Variants in UBE2E1 observed in about 807,000 individuals in gnomAD.
The protein encoded by UBE2E1 is ubiquitin-conjugating enzyme E2 E1.
A neutral mutation model predicts 21.4 loss-of-function variants in UBE2E1; 6 were observed. The observed-to-expected ratio is 0.28, with a 90% CI of 0.15 to 0.55. The LOEUF is 0.55. Among genes scored for constraint, UBE2E1 ranks in the 20% least tolerant of loss-of-function variants. The pLI, the probability that UBE2E1 is intolerant of heterozygous loss-of-function variation, is 0.93. For synonymous variants in UBE2E1, 87 were observed against 82.7 expected (o/e 1.05, Z -0.28); for missense variants, 142 against 236.5 (o/e 0.60, Z 2.62).
At chr3:23,865,443 TC>T (rs1450453544) in intron 3 of UBE2E1, among the ~76,000 whole-genome samples, 5 of 152,078 alleles carry the variant, frequency 3.3e-5, no homozygotes, top group African/African-American at 1.2e-4. Flanking sequence ...AGCCTCAACT[TC>T]CTAGGGCTCA....
At chr3:23,878,600 C>T (rs1013759706) in intron 3 of UBE2E1, among the ~76,000 whole-genome samples, 5 of 152,196 alleles carry the variant, frequency 3.3e-5, no homozygotes, top group African/African-American at 9.7e-5. Flanking sequence ...GCCTGAGCTC[C>T]GCCTCCTGTC....
intron 3 of UBE2E1, chr3:23,866,360 T>G (rs1292452606): frequency 1.3e-5 from 2 of 152,214 alleles, no homozygotes; most frequent in Admixed American, 6.5e-5. Context: ...ACCTCACATT[T>G]CAGTGCAGGT....
chr3:23,815,601 T>A (rs1477232972), intron 3 of UBE2E1, among the ~76,000 whole-genome samples: 1 of 152,196 alleles, frequency 6.6e-6, no homozygotes, highest in East Asian at 1.9e-4. Context: ...GGTAATGAGA[T>A]GTCAGTTCAG....
At chr3:23,883,765 A>G (rs993643059) in intron 3 of UBE2E1, among the ~76,000 whole-genome samples, 3 of 151,884 alleles carry the variant, frequency 2.0e-5, no homozygotes, top group Non-Finnish European at 2.9e-5. Flanking sequence ...AAAATACAAA[A>G]ATTAGCTGGG....
At chr3:23,883,407 T>C (rs1701099979) in intron 3 of UBE2E1, among the ~76,000 whole-genome samples, 1 of 152,162 alleles carries the variant, frequency 6.6e-6, no homozygotes, top group Non-Finnish European at 1.5e-5. Flanking sequence ...GGCCTTCTTA[T>C]AGAGTTGTTA....
At chr3:23,847,464 T>C (rs1185724724) in intron 3 of UBE2E1, among the ~76,000 whole-genome samples, 1 of 151,804 alleles carries the variant, frequency 6.6e-6, no homozygotes, top group African/African-American at 2.4e-5. Flanking sequence ...ATATTTCATA[T>C]CTGTGTGTGT....
Position 23,870,058 on chromosome 3 carries a change from C to T in UBE2E1, c.204-17509C>T, listed in dbSNP as rs1274719442. ...TAGGACTGGAGTCATGTGAAGCCTTCCTCACTTTTACATGTCTGGTTTTCC... is the reference window on the plus strand; with the variant it reads ...TAGGACTGGAGTCATGTGAAGCCTTTCTCACTTTTACATGTCTGGTTTTCC... On this transcript the variant is annotated intron_variant, in intron 3 of 5. Coordinates refer to ENST00000306627, the MANE Select transcript of UBE2E1 (RefSeq NM_003341.5). The surrounding 1 kb of genome is among the most constrained non-coding windows in gnomAD (Gnocchi z 4.2). 6.6e-6 allele frequency among the ~76,000 whole-genome samples: 1 copy of T among 152,130 alleles called. No individual in the cohort carries two copies. The highest frequency in any genetic ancestry group is 1.5e-5 in the Non-Finnish European group (1 of 68,022).
chr3:23,817,749 G>A (rs926490915), intron 3 of UBE2E1, among the ~76,000 whole-genome samples: 2 of 152,122 alleles, frequency 1.3e-5, no homozygotes, highest in African/African-American at 4.8e-5. Flanking sequence ...ACAGAAAAAG[G>A]GCACTATTGG....
chr3:23,829,734 G>A (rs918949841), intron 3 of UBE2E1, among the ~76,000 whole-genome samples: 9 of 152,188 alleles, frequency 5.9e-5, no homozygotes, highest in Non-Finnish European at 8.8e-5. Context: ...CTAGAAGAGC[G>A]GTTAGAAATG....
In UBE2E1 at chr3:23,816,247, C is replaced by G. The variant is rs940955581; in HGVS notation, c.203+4737C>G. On this transcript the variant is annotated intron_variant, in intron 3 of 5. Transcript: ENST00000306627. This position sits in a 1 kb window ranked among gnomAD's most constrained non-coding sequence, Gnocchi z 4.8. ...AGGCTCAAACAGATAACCTGTATGT[C>G]AGTATTCATAGCATTATTCATAGTA... Among the ~76,000 whole-genome samples, 9 of 152,132 alleles carry G rather than the reference C, an allele frequency of 5.9e-5. No individual in the cohort carries two copies. The highest frequency in any genetic ancestry group is 1.3e-4 in the Admixed American group (2 of 15,278).
chr3:23,865,134 T>A (rs1700627693), intron 3 of UBE2E1, among the ~76,000 whole-genome samples: 1 of 152,220 alleles, frequency 6.6e-6, no homozygotes, highest in African/African-American at 2.4e-5. Context: ...TCAGGGTCTC[T>A]CTTGGCTGTA....
chr3:23,890,562 C>A lies in UBE2E1; in HGVS notation c.538C>A (p.His180Asn), dbSNP rs768757413. Residue 180 changes from histidine to asparagine, a missense_variant, in exon 6 of 6, where the codon CAT becomes AAT. This residue lies in a region of UBE2E1 where 87 missense variants were observed against 184.9 expected (regional missense o/e 0.47). Coordinates refer to ENST00000306627, the MANE Select transcript of UBE2E1 (RefSeq NM_003341.5). ...ATQYMTNRAE[H>N]DRMARQWTKR... ...TCAGTATATGACCAACAGAGCAGAA[C>A]ATGACAGAATGGCCAGACAGTGGAC... The A allele has an allele frequency of 6.2e-7, 1 of 1,613,708 alleles. No individual in the cohort carries two copies. Among genetic ancestry groups the A allele is most frequent in the South Asian group, 1.1e-5 (1 of 91,012 alleles).
rs1169518520 is a variant in UBE2E1, at chr3:23,823,680, A to G, written c.203+12170A>G. 6.6e-6 allele frequency among the ~76,000 whole-genome samples: 1 copy of G among 152,250 alleles called. No individual in the cohort carries two copies. Among genetic ancestry groups the G allele is most frequent in the Admixed American group, 6.5e-5 (1 of 15,286 alleles). ...CCTAAAAGAAAACATTTGTTTTATT[A>G]CAAGCACCCAGGAGGATTTTTTATA... On this transcript the variant is annotated intron_variant, in intron 3 of 5. Transcript: ENST00000306627. The surrounding 1 kb of genome is among the most constrained non-coding windows in gnomAD (Gnocchi z 4.2).
At chr3:23,882,886 C>G (rs114716053) in intron 3 of UBE2E1, among the ~76,000 whole-genome samples, 60 of 152,318 alleles carry the variant, frequency 3.9e-4, no homozygotes, top group Non-Finnish European at 7.4e-4. Flanking sequence ...ATGAGCACTG[C>G]GCGCAGCCCC....
rs1332882911 is a variant in UBE2E1 at position 23,890,729 on chromosome 3, C to G, written c.*123C>G. The G allele has an allele frequency of 1.2e-6, 1 of 820,676 alleles. No individual in the cohort carries two copies. The highest frequency in any genetic ancestry group is 1.8e-6 in the Non-Finnish European group (1 of 563,894). 50.8% of individuals were successfully genotyped at this position (820,676 alleles called of 1,614,324 possible). ...GGGTATTTCTATAACAGATATTATT[C>G]AGTCTTATTTCCTAAGATTTTGTTG... On this transcript the variant is annotated 3_prime_UTR_variant, in exon 6 of 6. Transcript: ENST00000306627.
At chr3:23,847,371 G>A (rs1700230031) in intron 3 of UBE2E1, among the ~76,000 whole-genome samples, 1 of 151,806 alleles carries the variant, frequency 6.6e-6, no homozygotes, top group Non-Finnish European at 1.5e-5. Flanking sequence ...ATAAACATTA[G>A]TATGATAACT....
chr3:23,812,224 G>A (rs1699410689), intron 3 of UBE2E1, among the ~76,000 whole-genome samples: 2 of 131,018 alleles, frequency 1.5e-5, no homozygotes, highest in Non-Finnish European at 3.2e-5. Context: ...CAACAATGAA[G>A]TGAGGGTAAC....
rs1398852964 is a variant in UBE2E1 at position 23,842,316 on chromosome 3, G to A, written c.203+30806G>A. Among the ~76,000 whole-genome samples, 3 of 150,404 alleles carry A rather than the reference G, an allele frequency of 2.0e-5. No homozygotes were observed. Among genetic ancestry groups the A allele is most frequent in the East Asian group, 2.0e-4 (1 of 5,088 alleles). ...GGCTGGGATGCAGTGGTGCAGTCAC[G>A]ACTCACTGCAGCCTCAACCTCATGG... is the stretch of plus-strand genomic sequence containing the variant. On this transcript the variant is annotated intron_variant, in intron 3 of 5. Coordinates refer to ENST00000306627, the MANE Select transcript of UBE2E1 (RefSeq NM_003341.5). This position sits in a 1 kb window ranked among gnomAD's most constrained non-coding sequence, Gnocchi z 4.6.
intron 3 of UBE2E1, among the ~76,000 whole-genome samples, chr3:23,848,701 G>A (rs937010970): frequency 3.9e-5 from 6 of 152,154 alleles, no homozygotes; most frequent in African/African-American, 1.4e-4. Flanking sequence ...TTTGGTTGGG[G>A]AAAACTTCAT....
Sources: gnomAD v4.1 joint callset for allele counts (sites outside exome capture counted in the v4.1 genomes callset) on GRCh38, gnomAD v4.1.1 for gene constraint, gnomAD v4.1.1 regional missense constraint, Gnocchi (gnomAD v3.1) non-coding constraint, MANE v1.5 for transcripts, NCBI Gene and HGNC (gene_info 2026-07-23, HGNC 2026-07-21) for gene names.